Variants in RNLS observed in about 807,000 individuals in gnomAD.
The protein encoded by RNLS is renalase.
A neutral mutation model predicts 39.8 loss-of-function variants in RNLS; 39 were observed. The observed-to-expected ratio is 0.98, with a 90% CI of 0.76 to 1.28. The LOEUF is 1.28. RNLS is among the 50% of genes most tolerant of loss of function. The pLI is 0.00. For synonymous variants in RNLS, 147 were observed against 150.7 expected, an observed-to-expected ratio of 0.98 and a Z score of 0.18; for missense variants, 410 against 413.3, an observed-to-expected ratio of 0.99 and a Z score of 0.07.
At chr10:88,544,619 C>T (rs1156242353) in intron 4 of RNLS, among the ~76,000 whole-genome samples, 1 of 152,196 alleles carries the variant, frequency 6.6e-6, no homozygotes, top group East Asian at 1.9e-4. Context: ...CCAAAAATGA[C>T]TTCGACTTAA....
At chr10:88,456,939 C>T (rs751262236) in intron 4 of RNLS, among the ~76,000 whole-genome samples, 5 of 152,056 alleles carry the variant, frequency 3.3e-5, no homozygotes, top group Admixed American at 6.6e-5. Flanking sequence ...TTAGAAGGAT[C>T]GTATTGAGTC....
the RNLS span, among the ~76,000 whole-genome samples, chr10:88,201,041 G>A: frequency 6.8e-6 from 1 of 146,732 alleles, no homozygotes; most frequent in Non-Finnish European, 1.5e-5. Context: ...ATAGCTTTTG[G>A]TCTATTTACA....
At chr10:88,281,826 T>C (rs992749504), downstream of RNLS, among the ~76,000 whole-genome samples, 1 of 151,856 alleles carries the variant, frequency 6.6e-6, no homozygotes, top group African/African-American at 2.4e-5. Context: ...AATCATAAGG[T>C]GATTGCATTC....
At chr10:88,308,256 C>T (rs925903767) in intron 6 of RNLS, among the ~76,000 whole-genome samples, 5 of 152,032 alleles carry the variant, frequency 3.3e-5, no homozygotes, top group African/African-American at 7.3e-5. Flanking sequence ...GCAATTGCGC[C>T]AAAAGCAATT....
At chr10:88,240,838 T>C in the RNLS span, among the ~76,000 whole-genome samples, 1 of 152,108 alleles carries the variant, frequency 6.6e-6, no homozygotes, top group Non-Finnish European at 1.5e-5. Context: ...AGCTTATCTT[T>C]ATCCAAATTA....
chr10:88,286,148 T>G (rs1334825317), intron 6 of RNLS, among the ~76,000 whole-genome samples: 2 of 152,108 alleles, frequency 1.3e-5, no homozygotes, highest in African/African-American at 4.8e-5. Context: ...CAATACATCC[T>G]TCTTCAGTTT....
intron 1 of RNLS, among the ~76,000 whole-genome samples, chr10:88,582,804 G>A (rs1850686804): frequency 6.6e-6 from 1 of 152,214 alleles, no homozygotes; most frequent in Non-Finnish European, 1.5e-5. Flanking sequence ...CGCTGTCTCA[G>A]GTCTCCCTCT....
chr10:88,521,037 A>T (rs1301413440), intron 4 of RNLS, among the ~76,000 whole-genome samples: 3 of 151,896 alleles, frequency 2.0e-5, no homozygotes. Context: ...CAGTCATCTT[A>T]TTCCTGAGTC....
At chr10:88,474,127 T>C (rs1166689054) in intron 4 of RNLS, among the ~76,000 whole-genome samples, 1 of 152,160 alleles carries the variant, frequency 6.6e-6, no homozygotes, top group African/African-American at 2.4e-5. Context: ...ATGCTGCATA[T>C]AAAATATGGT....
intron 4 of RNLS, among the ~76,000 whole-genome samples, chr10:88,543,612 ATTAT>A (rs1462030644): frequency 6.6e-6 from 1 of 152,190 alleles, no homozygotes; most frequent in African/African-American, 2.4e-5. Flanking sequence ...CACAAAGACA[ATTAT>A]TTAACAGAAA....
intron 5 of RNLS, among the ~76,000 whole-genome samples, chr10:88,336,608 G>C (rs568496326): frequency 2.0e-5 from 3 of 152,328 alleles, no homozygotes; most frequent in Non-Finnish European, 1.5e-5. Flanking sequence ...TACAAGTTTA[G>C]GAAATAATCT....
At chr10:88,351,371 T>G (rs1309629261) in intron 5 of RNLS, among the ~76,000 whole-genome samples, 1 of 152,230 alleles carries the variant, frequency 6.6e-6, no homozygotes, top group Non-Finnish European at 1.5e-5. Context: ...AGGTCTAACA[T>G]TTAAGTCTTT....
At chr10:88,241,873 T>C in the RNLS span, among the ~76,000 whole-genome samples, 2 of 152,212 alleles carry the variant, frequency 1.3e-5, no homozygotes, top group African/African-American at 4.8e-5. Flanking sequence ...TTGGTCAAAA[T>C]CTTTAAATTC....
At chr10:88,237,827 T>A in the RNLS span, among the ~76,000 whole-genome samples, 1 of 152,152 alleles carries the variant, frequency 6.6e-6, no homozygotes, top group African/African-American at 2.4e-5. Flanking sequence ...AAAAAGTAAT[T>A]AAATAATAAA....
In RNLS at chr10:88,354,888, T is replaced by C. The variant is rs148954833; in HGVS notation, c.700+7664A>G. On this transcript the variant is annotated intron_variant, in intron 5 of 6. Transcript: ENST00000331772. ...GATTTGGTCTTTTCACATAGTCCTA[T>C]ATTTCTTGGAGGCTTTGTTTGTTTC... Among the ~76,000 whole-genome samples the C allele has an allele frequency of 8.2e-3, 1,251 of 152,322 alleles. 21 individuals carry two copies. Among genetic ancestry groups the C allele is most frequent in the South Asian group, 0.029 (139 of 4,830 alleles).
chr10:88,583,212 G>C lies in RNLS; in HGVS notation c.-22C>G. On this transcript the variant is annotated 5_prime_UTR_variant, in exon 1 of 7. Transcript: ENST00000331772. ...CCATGGCGAGAGGGAGCAGCGATCCGCGCTGAGTCTCTGCGGCGGGGCCGT... is the reference window on the plus strand; with the variant it reads ...CCATGGCGAGAGGGAGCAGCGATCCCCGCTGAGTCTCTGCGGCGGGGCCGT... The C allele has an allele frequency of 6.2e-7, 1 of 1,612,820 alleles. No individual in the cohort carries two copies. The highest frequency in any genetic ancestry group is 1.7e-4 in the Middle Eastern group (1 of 6,056).
At chr10:88,278,418 T>C (rs1842890617) in intron 6 of RNLS, among the ~76,000 whole-genome samples, 1 of 152,184 alleles carries the variant, frequency 6.6e-6, no homozygotes, top group South Asian at 2.1e-4. Flanking sequence ...TAGGCCTAAC[T>C]CTTGCCACCT....
chr10:88,362,468 T>C (rs1646448270), intron 5 of RNLS, 84 bp downstream of exon 5: 2 of 1,281,924 alleles, frequency 1.6e-6, no homozygotes, highest in East Asian at 2.3e-5. Flanking sequence ...CTGTTCAGAA[T>C]GGCAACACTC....
the RNLS span, among the ~76,000 whole-genome samples, chr10:88,224,638 T>A: frequency 6.6e-6 from 1 of 152,202 alleles, no homozygotes; most frequent in Non-Finnish European, 1.5e-5. Flanking sequence ...GAGCTTCGAT[T>A]GGTATTATAT....
Sources: gnomAD v4.1 joint callset for allele counts (sites outside exome capture counted in the v4.1 genomes callset) on GRCh38, gnomAD v4.1.1 for gene constraint, MANE v1.5 for transcripts, NCBI Gene and HGNC (gene_info 2026-07-23, HGNC 2026-07-21) for gene names.